The following C12orf76 variants were observed in gnomAD, a reference collection of about 807,000 sequenced individuals.
C12orf76 encodes uncharacterized protein C12orf76.
C12orf76 carries 6 observed loss-of-function variants against 6.8 expected under a neutral mutation model. The observed-to-expected ratio is 0.88, with a 90% CI of 0.48 to 1.73. The LOEUF (loss-of-function observed/expected upper bound fraction) is 1.73, where lower values mean the gene tolerates loss of function less well. C12orf76 is among the 40% of genes most tolerant of loss of function. C12orf76 has a pLI of 0.01. For missense variants in C12orf76, 99 were observed against 98.2 expected (o/e 1.01, Z -0.03); for synonymous variants, 56 against 43.7 (o/e 1.28, Z -1.11).
At chr12:110,051,281 G>T (rs987327525), upstream of C12orf76, 7 of 717,412 alleles carry the variant, frequency 9.8e-6, no homozygotes, top group Non-Finnish European at 1.8e-5. Flanking sequence ...TTGCTTCCGT[G>T]TGACTCGTTT....
intron 1 of C12orf76, among the ~76,000 whole-genome samples, chr12:110,046,304 T>C (rs1387609260): frequency 6.6e-6 from 1 of 152,206 alleles, no homozygotes; most frequent in African/African-American, 2.4e-5. Context: ...CACACGCCTG[T>C]GGTCCCAGCT....
At chr12:110,061,693 C>T (rs1287705325) in intron 2 of C12orf76, among the ~76,000 whole-genome samples, 4 of 152,138 alleles carry the variant, frequency 2.6e-5, no homozygotes, top group African/African-American at 7.2e-5. Flanking sequence ...TCTGCCCCCA[C>T]GCTCAGCTAA....
intron 1 of C12orf76, among the ~76,000 whole-genome samples, chr12:110,044,878 CAGG>C (rs897583708): frequency 4.3e-4 from 65 of 152,138 alleles, no homozygotes; most frequent in African/African-American, 1.6e-3. Flanking sequence ...GAGGCTGAGG[CAGG>C]AGAATTTCTT....
chr12:110,045,056 C>G (rs1262526737), intron 1 of C12orf76, among the ~76,000 whole-genome samples: 2 of 152,162 alleles, frequency 1.3e-5, no homozygotes, highest in African/African-American at 4.8e-5. Context: ...GTGACAAAGA[C>G]AGCATGTCAT....
chr12:110,045,264 T>C (rs1301468691), intron 1 of C12orf76, among the ~76,000 whole-genome samples: 1 of 152,224 alleles, frequency 6.6e-6, no homozygotes, highest in Non-Finnish European at 1.5e-5. Flanking sequence ...GAACATTTTC[T>C]TGCATCTCGC....
At position 110,057,178 on chromosome 12, in the gene C12orf76, C is replaced by T. The variant is rs371462596; in HGVS notation, n.664+11G>A. 2.2e-5 allele frequency: 35 copies of T among 1,590,452 alleles called. No individual in the cohort carries two copies. In the Middle Eastern group the frequency reaches 6.6e-4, roughly 30 times the overall value. ...ACATGCTCTGAATATAAGTGACTTT[C>T]GCAGACTTACCTTGGCATTGCAGGT... On this transcript the variant is annotated intron_variant and non_coding_transcript_variant, in intron 4 of 4. Coordinates refer to the C12orf76 transcript ENST00000309050.
rs1892334868 is a variant in C12orf76, at chr12:110,042,314, GC to G, written c.*59del. On this transcript the variant is annotated 3_prime_UTR_variant, in exon 2 of 2. Coordinates refer to ENST00000615315, the MANE Select transcript of C12orf76 (RefSeq NM_001389625.1). ...AGTTTTGGTTCCAACTTCTCCACTGGCCTGTGTGCAACACAACTTATCCTAT... is the reference window on the plus strand; with the variant it reads ...AGTTTTGGTTCCAACTTCTCCACTGGCTGTGTGCAACACAACTTATCCTAT... 1 of 1,397,172 alleles carries G rather than the reference GC, an allele frequency of 7.2e-7. No homozygotes were observed. Among genetic ancestry groups the G allele is most frequent in the Admixed American group, 1.7e-5 (1 of 59,202 alleles). 86.5% of individuals were successfully genotyped at this position (1,397,172 alleles called of 1,614,324 possible).
At chr12:110,072,261 T>TAA (rs1210182713), upstream of C12orf76, among the ~76,000 whole-genome samples, 545 of 124,420 alleles carry the variant, frequency 4.4e-3, 6 homozygotes, top group Non-Finnish European at 7.2e-3. Flanking sequence ...ACCCCAAATC[T>TAA]AAAAAAAAAA....
chr12:110,057,937 G>A (rs989216995), intron 3 of C12orf76, among the ~76,000 whole-genome samples: 6 of 151,670 alleles, frequency 4.0e-5, no homozygotes, highest in African/African-American at 7.3e-5. Flanking sequence ...AGTGGTGGGC[G>A]CCTATAATCC....
At chr12:110,073,358 C>T (rs1892983890) in intron 1 of C12orf76, 2 of 497,404 alleles carry the variant, frequency 4.0e-6, no homozygotes, top group South Asian at 1.5e-5. Context: ...TGAAGCTGCC[C>T]CCTGGGGCTT....
chr12:110,042,431 C>A lies in C12orf76; in HGVS notation c.162G>T (p.Leu54=). The part of the protein sequence containing the change: ...LVLMGTIFSI[L]LVTVILMAFC... ...ATGCCATAAGGATGACAGTCACCAGCAGGATGCTGAAAATGGTTCCCATCA... is the reference window on the plus strand; with the variant it reads ...ATGCCATAAGGATGACAGTCACCAGAAGGATGCTGAAAATGGTTCCCATCA... The change falls in exon 2 of 2, where the codon CTG becomes CTT. Residue 54 remains leucine, a synonymous_variant. Coordinates refer to ENST00000615315, the MANE Select transcript of C12orf76 (RefSeq NM_001389625.1). The A allele has an allele frequency of 6.2e-7, 1 of 1,614,060 alleles. No homozygotes were observed. The highest frequency in any genetic ancestry group is 2.2e-5 in the East Asian group (1 of 44,888).
upstream of C12orf76, chr12:110,051,307 T>A: frequency 1.4e-6 from 1 of 703,740 alleles, no homozygotes; most frequent in South Asian, 1.5e-5. Flanking sequence ...CTCTGCACAA[T>A]GGGAAGCATA....
upstream of C12orf76, among the ~76,000 whole-genome samples, chr12:110,068,472 C>G (rs1473731658): frequency 6.6e-6 from 1 of 152,038 alleles, no homozygotes; most frequent in East Asian, 1.9e-4. Flanking sequence ...AATAAATTCC[C>G]CTTTGAGGCT....
At position 110,056,066 on chromosome 12, in the gene C12orf76, CTA is replaced by C. The variant is rs1892661467; in HGVS notation, n.664+1121_664+1122del. Among the ~76,000 whole-genome samples the C allele has an allele frequency of 4.9e-5, 7 of 143,462 alleles. 1 individual carries two copies. In the South Asian group the frequency reaches 1.5e-3, roughly 31 times the overall value. The allele number at this position is 143,462 out of a possible 152,430, so 94.1% of individuals were successfully genotyped here. On this transcript the variant is annotated intron_variant and non_coding_transcript_variant, in intron 4 of 4. Transcript: ENST00000309050. Reference sequence around the variant, plus strand: ...CCAGCCTGGGCAACAGAGCCAGACTCTATCTCAAAAAAAAAAAAAAAAGTTTC... The same window carrying C: ...CCAGCCTGGGCAACAGAGCCAGACTCTCTCAAAAAAAAAAAAAAAAGTTTC...
At chr12:110,058,954 A>C (rs1892722453) in intron 3 of C12orf76, 1 of 1,482,730 alleles carries the variant, frequency 6.7e-7, no homozygotes, top group Admixed American at 2.7e-5. Flanking sequence ...AATGAAAACA[A>C]AAACCAACTC....
chr12:110,069,130 C>T (rs1286876207), upstream of C12orf76, among the ~76,000 whole-genome samples: 1 of 152,144 alleles, frequency 6.6e-6, no homozygotes, highest in Non-Finnish European at 1.5e-5. Context: ...CTTCTAAAGA[C>T]GGCACTTCAG....
intron 1 of C12orf76, among the ~76,000 whole-genome samples, chr12:110,045,549 G>GCA (rs1892428075): frequency 6.6e-6 from 1 of 152,002 alleles, no homozygotes; most frequent in African/African-American, 2.4e-5. Flanking sequence ...TCGCGCCACT[G>GCA]CACTGGCCTG....
At chr12:110,042,485 C>T (rs2137210254) in intron 1 of C12orf76, 26 bp from the exon 2 acceptor site, 2 of 1,466,052 alleles carry the variant, frequency 1.4e-6, no homozygotes, top group East Asian at 4.5e-5. Flanking sequence ...AGGTTACTTC[C>T]TAATGGCAGC....
intron 1 of C12orf76, chr12:110,045,934 G>A: frequency 4.6e-6 from 1 of 216,774 alleles, no homozygotes; most frequent in Admixed American, 4.7e-5. Flanking sequence ...ACTCCAGATT[G>A]GGCAACAGAG....
Sources: gnomAD v4.1 joint callset for allele counts (sites outside exome capture counted in the v4.1 genomes callset) on GRCh38, gnomAD v4.1.1 for gene constraint, MANE v1.5 for transcripts, NCBI Gene and HGNC (gene_info 2026-07-23, HGNC 2026-07-21) for gene names.